ARMH4: variants seen among roughly 807,000 people sequenced by gnomAD.
The protein encoded by ARMH4 is armadillo-like helical domain-containing protein 4.
Under a neutral mutation model 61.9 loss-of-function variants are expected in ARMH4, and 49 were observed. That is an observed-to-expected ratio of 0.79 (90% CI 0.63 to 1.00). The LOEUF is 1.00. Among genes scored for constraint, ARMH4 ranks in the 50% least tolerant of loss-of-function variants. ARMH4 has a pLI of 0.00. For missense variants in ARMH4, 934 were observed against 930.0 expected (o/e 1.00, Z -0.06); for synonymous variants, 368 against 341.5 (o/e 1.08, Z -0.85).
At chr14:58,007,170 T>C (rs1181110129) in intron 6 of ARMH4, among the ~76,000 whole-genome samples, 2 of 152,170 alleles carry the variant, frequency 1.3e-5, no homozygotes, top group Non-Finnish European at 2.9e-5. Context: ...TCATGTACAG[T>C]AACATTTGAA....
chr14:58,022,454 A>C (rs143632074), intron 5 of ARMH4, among the ~76,000 whole-genome samples: 2 of 152,282 alleles, frequency 1.3e-5, no homozygotes, highest in African/African-American at 2.4e-5. Flanking sequence ...GGAAGCCACT[A>C]TTCTGCCTCA....
intron 5 of ARMH4, among the ~76,000 whole-genome samples, chr14:58,089,517 A>T (rs1412356469): frequency 2.0e-5 from 3 of 152,186 alleles, no homozygotes; most frequent in Non-Finnish European, 4.4e-5. Flanking sequence ...CCCTCCTACC[A>T]ATTCAAAACA....
At chr14:58,124,359 T>C (rs1039768292) in intron 4 of ARMH4, among the ~76,000 whole-genome samples, 2 of 152,216 alleles carry the variant, frequency 1.3e-5, no homozygotes, top group African/African-American at 4.8e-5. Context: ...TTGCAACCCA[T>C]GGCATACCTG....
chr14:58,076,171 AT>A (rs1293211521), intron 5 of ARMH4, among the ~76,000 whole-genome samples: 1 of 152,108 alleles, frequency 6.6e-6, no homozygotes, highest in African/African-American at 2.4e-5. Flanking sequence ...TTGTTGAAGA[AT>A]TTCTTCATCA....
Position 58,138,802 on chromosome 14 carries a change from T to C in ARMH4, c.557A>G (p.Tyr186Cys), listed in dbSNP as rs1418857715. The C allele has an allele frequency of 1.9e-6, 3 of 1,614,016 alleles. No homozygotes were observed. The African/African-American group carries it at 4.0e-5, about 22-fold the overall frequency. Residue 186 changes from tyrosine to cysteine, a missense_variant, in exon 2 of 8, where the codon TAT (tyrosine) becomes TGT (cysteine). Coordinates refer to ENST00000267485, the MANE Select transcript of ARMH4 (RefSeq NM_001001872.4). ...ITETTKGFLKYMDNQSFATES... is the reference protein window; with the variant it reads ...ITETTKGFLKCMDNQSFATES... ...AGTTGCAAATGATTGATTATCCATATACTTCAGAAAACCTTTTGTGGTTTC... is the reference window on the plus strand; with the variant it reads ...AGTTGCAAATGATTGATTATCCATACACTTCAGAAAACCTTTTGTGGTTTC...
At chr14:58,145,971 A>G (rs1887720785) in intron 1 of ARMH4, among the ~76,000 whole-genome samples, 1 of 152,222 alleles carries the variant, frequency 6.6e-6, no homozygotes, top group African/African-American at 2.4e-5. Context: ...TCATGTAGTC[A>G]CTCCCATTTT....
intron 5 of ARMH4, among the ~76,000 whole-genome samples, chr14:58,046,704 A>G (rs1297555151): frequency 6.6e-6 from 1 of 152,214 alleles, no homozygotes; most frequent in African/African-American, 2.4e-5. Flanking sequence ...CCACCTTCTT[A>G]GCACAATTCA....
intron 5 of ARMH4, among the ~76,000 whole-genome samples, chr14:58,068,456 C>T (rs1447817652): frequency 6.6e-6 from 1 of 152,160 alleles, no homozygotes; most frequent in African/African-American, 2.4e-5. Flanking sequence ...TTGCCTTATT[C>T]AGCTGAAACT....
At chr14:58,041,641 C>T (rs935683016) in intron 5 of ARMH4, among the ~76,000 whole-genome samples, 8 of 152,148 alleles carry the variant, frequency 5.3e-5, no homozygotes, top group African/African-American at 1.9e-4. Context: ...TTAAAAGACA[C>T]AGACTGGCAA....
intron 7 of ARMH4, 121 bp downstream of exon 7, chr14:58,004,927 A>C: frequency 6.5e-7 from 1 of 1,534,274 alleles, no homozygotes; most frequent in Non-Finnish European, 9.0e-7. Context: ...CAGCTAATCC[A>C]GACCACTGGG....
Position 58,018,309 on chromosome 14 carries a change from A to T in ARMH4, c.2090-6159T>A, listed in dbSNP as rs115691293. ...AAACTAAAAAGCTTCCATATAGCCAAGGAGACAACCAACAGAGTGAAAAGA... is the reference window on the plus strand; with the variant it reads ...AAACTAAAAAGCTTCCATATAGCCATGGAGACAACCAACAGAGTGAAAAGA... On this transcript the variant is annotated intron_variant, in intron 5 of 7. Transcript: ENST00000267485. Among the ~76,000 whole-genome samples, 592 of 152,318 alleles carry T rather than the reference A, an allele frequency of 3.9e-3. 1 individual carries two copies. Among genetic ancestry groups the T allele is most frequent in the African/African-American group, 0.013 (547 of 41,578 alleles).
intron 5 of ARMH4, among the ~76,000 whole-genome samples, chr14:58,062,753 G>A (rs1038158837): frequency 2.0e-5 from 3 of 152,240 alleles, no homozygotes; most frequent in Non-Finnish European, 4.4e-5. Flanking sequence ...AGGGCATACA[G>A]CTAGCAGGGA....
intron 5 of ARMH4, among the ~76,000 whole-genome samples, chr14:58,034,451 G>A (rs1309885018): frequency 1.6e-5 from 2 of 126,866 alleles, no homozygotes; most frequent in Non-Finnish European, 3.5e-5. Context: ...GCAAAATCAT[G>A]CCAAAATGTA....
At chr14:58,059,039 T>C (rs1046390378) in intron 5 of ARMH4, among the ~76,000 whole-genome samples, 3 of 152,202 alleles carry the variant, frequency 2.0e-5, no homozygotes, top group African/African-American at 7.2e-5. Flanking sequence ...TAAGGATTCA[T>C]GAAGGAGGTG....
chr14:58,054,675 A>T (rs978845680), intron 5 of ARMH4, among the ~76,000 whole-genome samples: 1 of 152,078 alleles, frequency 6.6e-6, no homozygotes, highest in Non-Finnish European at 1.5e-5. Flanking sequence ...AGGCAGGCAG[A>T]TTACCTGAAG....
At chr14:58,045,327 C>G (rs1215724204) in intron 5 of ARMH4, among the ~76,000 whole-genome samples, 1 of 152,098 alleles carries the variant, frequency 6.6e-6, no homozygotes, top group African/African-American at 2.4e-5. Flanking sequence ...ATGGATGAAG[C>G]TGGAAACCAT....
chr14:58,097,419 A>G, intron 4 of ARMH4, among the ~76,000 whole-genome samples: 1 of 152,204 alleles, frequency 6.6e-6, no homozygotes, highest in East Asian at 1.9e-4. Flanking sequence ...TTATTTTGGC[A>G]CAGCTTTTTC....
rs1882436416 is a variant in ARMH4 at position 58,012,224 on chromosome 14, C to A, written c.2090-74G>T. ...AATTCATGGCATTAAGTTAATTTGA[C>A]AAATTAAAGAGTTTTTTGTATTAAA... On this transcript the variant is annotated intron_variant, in intron 5 of 7. Transcript: ENST00000267485. 2.0e-5 allele frequency: 18 copies of A among 886,964 alleles called. No individual in the cohort carries two copies. In the East Asian group the frequency reaches 4.1e-4, roughly 20 times the overall value. 54.9% of individuals were successfully genotyped at this position (886,964 alleles called of 1,614,324 possible).
intron 5 of ARMH4, among the ~76,000 whole-genome samples, chr14:58,071,166 T>C (rs964875723): frequency 6.7e-6 from 1 of 149,690 alleles, no homozygotes; most frequent in African/African-American, 2.4e-5. Context: ...ATATATATTA[T>C]ATACAATAGT....
Sources: allele counts gnomAD v4.1 joint callset (sites outside exome capture counted in the v4.1 genomes callset), GRCh38; gene constraint gnomAD v4.1.1; transcripts MANE v1.5; gene names NCBI Gene and HGNC (gene_info 2026-07-23, HGNC 2026-07-21).